The following PWWP2A variants were observed in gnomAD, a reference collection of about 807,000 sequenced individuals.
PWWP2A encodes PWWP domain-containing protein 2A.
PWWP2A carries 18 observed loss-of-function variants against 48.5 expected under a neutral mutation model. The observed-to-expected ratio is 0.37, with a 90% confidence interval of 0.26 to 0.55. The LOEUF is 0.55. Ranked by LOEUF, PWWP2A falls within the 20% of genes least tolerant of loss-of-function variation. The pLI is 0.81. For missense variants in PWWP2A, 867 were observed against 976.4 expected, an observed-to-expected ratio of 0.89 and a Z score of 1.49; for synonymous variants, 396 against 387.7, an observed-to-expected ratio of 1.02 and a Z score of -0.25.
intron 1 of PWWP2A, among the ~76,000 whole-genome samples, chr5:160,107,389 T>C (rs1757009569): frequency 1.3e-5 from 2 of 152,220 alleles, no homozygotes; most frequent in Admixed American, 1.3e-4. Flanking sequence ...AATTACTTTC[T>C]TGCAATACCT....
chr5:160,068,597 T>G (rs1753671504), intron 2 of PWWP2A, among the ~76,000 whole-genome samples: 1 of 152,124 alleles, frequency 6.6e-6, no homozygotes, highest in Non-Finnish European at 1.5e-5. Flanking sequence ...AGACCCTGTC[T>G]CAAAAAAATA....
chr5:160,056,792 T>C, the PWWP2A span, among the ~76,000 whole-genome samples: 5 of 152,168 alleles, frequency 3.3e-5, no homozygotes, highest in Non-Finnish European at 7.3e-5. Flanking sequence ...GGAGATAGAA[T>C]TAACATGTCA....
At chr5:160,045,520 A>ACACACACACT in the PWWP2A span, among the ~76,000 whole-genome samples, 17 of 54,900 alleles carry the variant, frequency 3.1e-4, no homozygotes, top group South Asian at 7.8e-4. Flanking sequence ...ACACATACAC[A>ACACACACACT]CTCTCTCTCT....
intron 5 of PWWP2A, chr5:160,062,097 C>G (rs767001637): frequency 1.3e-5 from 2 of 152,238 alleles, no homozygotes; most frequent in Non-Finnish European, 2.9e-5. Flanking sequence ...CTGTCCCCTG[C>G]ATTTGGAGAA....
chr5:160,115,140 A>C (rs1757991401), intron 1 of PWWP2A, among the ~76,000 whole-genome samples: 10 of 38,770 alleles, frequency 2.6e-4, no homozygotes, highest in African/African-American at 5.6e-4. Context: ...ACTCTGTCAA[A>C]AAAAAAAAAA....
chr5:160,073,093 G>A (rs965520641), downstream of PWWP2A, among the ~76,000 whole-genome samples: 3 of 151,814 alleles, frequency 2.0e-5, no homozygotes, highest in South Asian at 4.2e-4. Flanking sequence ...AGCTTGGTGA[G>A]ATGGATTTCT....
chr5:160,081,344 T>G (rs1433316675), intron 2 of PWWP2A, among the ~76,000 whole-genome samples: 1 of 151,048 alleles, frequency 6.6e-6, no homozygotes, highest in African/African-American at 2.4e-5. Context: ...GTTCAAGTGA[T>G]TCTCCTGCCT....
chr5:160,100,813 T>C (rs1224405145), intron 1 of PWWP2A, among the ~76,000 whole-genome samples: 3 of 152,066 alleles, frequency 2.0e-5, no homozygotes, highest in East Asian at 3.9e-4. Flanking sequence ...AATAGCTAAA[T>C]GCAAAAGAAA....
intron 1 of PWWP2A, among the ~76,000 whole-genome samples, chr5:160,105,303 T>C (rs1756765830): frequency 7.1e-6 from 1 of 140,254 alleles, no homozygotes; most frequent in Non-Finnish European, 1.5e-5. Context: ...AATCCCAGCA[T>C]TTTGGGAGGC....
chr5:160,119,272 G>C lies in PWWP2A; in HGVS notation c.117C>G (p.Pro39=), dbSNP rs1178034106. 4 of 1,402,416 alleles carry C rather than the reference G, an allele frequency of 2.9e-6. No homozygotes were observed. The highest frequency in any genetic ancestry group is 4.0e-4 in the Middle Eastern group (2 of 5,016). The allele number at this position is 1,402,416 out of a possible 1,614,324, so 86.9% of individuals were successfully genotyped here. Residue 39 remains proline, a synonymous_variant, in exon 1 of 2, where the codon CCC becomes CCG. Transcript: ENST00000307063. Reference sequence around the variant, plus strand: ...ACGCTTCAGTGGCCGTGACCGGGAGGGGGTCAGTGCCGGCCTCACTGCCGG... The same window carrying C: ...ACGCTTCAGTGGCCGTGACCGGGAGCGGGTCAGTGCCGGCCTCACTGCCGG... ...PIPGSEAGTD[P]LPVTATEASV... is the part of the protein sequence containing the mutation.
At chr5:160,101,867 T>C (rs549742079) in intron 1 of PWWP2A, among the ~76,000 whole-genome samples, 11 of 151,684 alleles carry the variant, frequency 7.3e-5, no homozygotes, top group African/African-American at 2.7e-4. Context: ...TCCCAGCACT[T>C]TGGGAGGCCA....
chr5:160,053,305 A>C, the PWWP2A span, among the ~76,000 whole-genome samples: 1 of 152,198 alleles, frequency 6.6e-6, no homozygotes. Flanking sequence ...TAAATTGGGT[A>C]GTGTGGGCTG....
chr5:160,107,070 C>G (rs1001078004), intron 1 of PWWP2A, among the ~76,000 whole-genome samples: 14 of 152,258 alleles, frequency 9.2e-5, no homozygotes, highest in African/African-American at 2.9e-4. Flanking sequence ...AAATGAGCCA[C>G]CCACCTTGGC....
intron 1 of PWWP2A, among the ~76,000 whole-genome samples, chr5:160,107,620 G>C (rs1757032256): frequency 6.6e-6 from 1 of 152,152 alleles, no homozygotes; most frequent in Admixed American, 6.5e-5. Flanking sequence ...CAGAAAACCT[G>C]ATCTTAGGAA....
chr5:160,109,992 A>C (rs535828496), intron 1 of PWWP2A, among the ~76,000 whole-genome samples: 1 of 150,940 alleles, frequency 6.6e-6, no homozygotes, highest in Admixed American at 6.6e-5. Flanking sequence ...AAAACTGAAC[A>C]GTCTTGAGCT....
At chr5:160,101,021 T>A (rs1756223136) in intron 1 of PWWP2A, among the ~76,000 whole-genome samples, 2 of 152,150 alleles carry the variant, frequency 1.3e-5, no homozygotes, top group South Asian at 4.1e-4. Flanking sequence ...GATATACAAA[T>A]ATATTATACA....
downstream of PWWP2A, among the ~76,000 whole-genome samples, chr5:160,072,262 A>T (rs1753755373): frequency 6.6e-6 from 1 of 152,224 alleles, no homozygotes; most frequent in African/African-American, 2.4e-5. Context: ...TGAAAAATTG[A>T]TTACTGTGCT....
At chr5:160,064,856 T>C in intron 4 of PWWP2A, 1 of 1,463,532 alleles carries the variant, frequency 6.8e-7, no homozygotes, top group South Asian at 1.3e-5. Flanking sequence ...TACTCAGTGG[T>C]AAGGCAAGAT....
intron 1 of PWWP2A, chr5:160,105,672 A>T (rs1163633734): frequency 2.0e-5 from 20 of 982,138 alleles, no homozygotes; most frequent in Non-Finnish European, 2.4e-5. Context: ...CATCAGCCCC[A>T]GGTGCTAATG....
Sources: allele counts gnomAD v4.1 joint callset (sites outside exome capture counted in the v4.1 genomes callset), GRCh38; gene constraint gnomAD v4.1.1; transcripts MANE v1.5; gene names NCBI Gene and HGNC (gene_info 2026-07-23, HGNC 2026-07-21).